Variants in TFAP2E observed in about 807,000 individuals in gnomAD.
TFAP2E encodes the protein transcription factor AP-2-epsilon.
A neutral mutation model predicts 37.9 loss-of-function variants in TFAP2E; 30 were observed. That is an observed-to-expected ratio of 0.79 (90% CI 0.59 to 1.07). The LOEUF is 1.07. TFAP2E is among the 50% of genes least tolerant of loss of function. TFAP2E has a pLI of 0.00. For synonymous variants in TFAP2E, 318 were observed against 295.8 expected (o/e 1.08, Z -0.77); for missense variants, 567 against 637.9 (o/e 0.89, Z 1.20).
At chr1:35,582,480 A>AT (rs1292278988) in intron 3 of TFAP2E, among the ~76,000 whole-genome samples, 375 of 126,048 alleles carry the variant, frequency 3.0e-3, no homozygotes, top group African/African-American at 5.9e-3. Context: ...TAAAATTTTA[A>AT]TTTTTTTTTT....
At position 35,594,820 on chromosome 1, in the gene TFAP2E, A is replaced by G; in HGVS notation, c.*144A>G. 1 of 1,314,930 alleles carries G rather than the reference A, an allele frequency of 7.6e-7. No homozygotes were observed. Among genetic ancestry groups the G allele is most frequent in the East Asian group, 2.5e-5 (1 of 40,334 alleles). The allele number at this position is 1,314,930 out of a possible 1,614,324, so 81.5% of individuals were successfully genotyped here. On this transcript the variant is annotated 3_prime_UTR_variant, in exon 7 of 7. Coordinates refer to ENST00000373235, the MANE Select transcript of TFAP2E (RefSeq NM_178548.4). The stretch of plus-strand genomic sequence containing the variant: ...TCATCCAGAGATCCCAGAGTTGGGG[A>G]TCTGGCTTGGAGTAAGGGAGGGTGG...
intron 4 of TFAP2E, among the ~76,000 whole-genome samples, chr1:35,589,326 C>G (rs2148552896): frequency 6.6e-6 from 1 of 151,496 alleles, no homozygotes; most frequent in South Asian, 2.1e-4. Context: ...TAGGGGTTAT[C>G]TCCTTACTCC....
intron 3 of TFAP2E, among the ~76,000 whole-genome samples, chr1:35,584,185 T>C (rs1649422348): frequency 6.6e-6 from 1 of 152,220 alleles, no homozygotes; most frequent in African/African-American, 2.4e-5. Context: ...CACTGCAGCC[T>C]CAAACTGGGC....
Position 35,574,991 on chromosome 1 carries a change from A to G in TFAP2E, c.553A>G (p.Ile185Val), listed in dbSNP as rs1649128791. 2 of 1,613,918 alleles carry G rather than the reference A, an allele frequency of 1.2e-6. No homozygotes were observed. The highest frequency in any genetic ancestry group is 1.7e-6 in the Non-Finnish European group (2 of 1,179,990). Residue 185 changes from isoleucine to valine, a missense_variant, in exon 3 of 7, where the codon ATC becomes GTC. Ile to Val is a conservative substitution (Grantham distance 29). Around this residue, in one of 3 missense-constraint regions of TFAP2E, gnomAD observed 312 missense variants for 317.4 expected, o/e 0.98. Transcript: ENST00000373235. ...AATGAGCCTCCTAGACCAGTCCGTG[A>G]TCAAGAAAGGTAAGGAATGGTCTGT... ...PGMSLLDQSV[I>V]KKVPIPSKAS...
At chr1:35,582,640 T>C (rs556721117) in intron 3 of TFAP2E, among the ~76,000 whole-genome samples, 50 of 146,470 alleles carry the variant, frequency 3.4e-4, no homozygotes, top group African/African-American at 1.0e-3. Context: ...ACTGCTCTCT[T>C]TTTTTTTTTT....
At position 35,584,252 on chromosome 1, in the gene TFAP2E, C is replaced by G. The variant is rs111539463; in HGVS notation, c.563-4078C>G. On this transcript the variant is annotated intron_variant, in intron 3 of 6. Coordinates refer to ENST00000373235, the MANE Select transcript of TFAP2E (RefSeq NM_178548.4). ...AGCTGGGACTATGGGCACATGCCAC[C>G]ATGCCTGGCTAACTTAAAAAAATTT... is the stretch of plus-strand genomic sequence containing the variant. Among the ~76,000 whole-genome samples, 141 of 152,312 alleles carry G rather than the reference C, an allele frequency of 9.3e-4. 1 individual carries two copies. The highest frequency in any genetic ancestry group is 3.2e-3 in the African/African-American group (133 of 41,568).
In TFAP2E at chr1:35,574,379, G is replaced by A; in HGVS notation, c.480G>A (p.Leu160=). The A allele has an allele frequency of 6.9e-7, 1 of 1,441,038 alleles. No individual in the cohort carries two copies. The highest frequency in any genetic ancestry group is 3.0e-5 in the Admixed American group (1 of 33,036). The allele number at this position is 1,441,038 out of a possible 1,614,324, so 89.3% of individuals were successfully genotyped here. A position where few individuals can be genotyped will look rare whatever the true frequency, so the allele number is the denominator to read the frequency against. The change falls in exon 2 of 7, where the codon CTG becomes CTA. Residue 160 remains leucine, a synonymous_variant. Coordinates refer to ENST00000373235, the MANE Select transcript of TFAP2E (RefSeq NM_178548.4). ...ACGCACCTCTCGGCCTTCCGGGGCT[G>A]GCGGCGGCCCCCGGTCTGGAGGACC... ...LADAPLGLPG[L]AAAPGLEDLQ...
Position 35,588,911 on chromosome 1 carries a change from C to T in TFAP2E, c.785+359C>T, listed in dbSNP as rs1425382726. 3.9e-5 allele frequency among the ~76,000 whole-genome samples: 6 copies of T among 152,138 alleles called. No homozygotes were observed. Among genetic ancestry groups the T allele is most frequent in the South Asian group, 2.1e-4 (1 of 4,822 alleles). On this transcript the variant is annotated intron_variant, in intron 4 of 6. Coordinates refer to ENST00000373235, the MANE Select transcript of TFAP2E (RefSeq NM_178548.4). This position sits in a 1 kb window ranked among gnomAD's most constrained non-coding sequence, Gnocchi z 5.1. ...CCCAGGACCCGAGGCCCATTCTGCG[C>T]GGCAGCATAGGCCCTGTGTGTTTTG... is the stretch of plus-strand genomic sequence containing the variant.
chr1:35,578,454 G>C (rs935192653), intron 3 of TFAP2E, among the ~76,000 whole-genome samples: 4 of 151,614 alleles, frequency 2.6e-5, no homozygotes, highest in Admixed American at 1.3e-4. Flanking sequence ...GTTACAAACC[G>C]TGTGTGGGTT....
At position 35,590,367 on chromosome 1, in the gene TFAP2E, G is replaced by C. The variant is rs375728504; in HGVS notation, c.905-267G>C. Among the ~76,000 whole-genome samples, 1 of 152,004 alleles carries C rather than the reference G, an allele frequency of 6.6e-6. No individual in the cohort carries two copies. The highest frequency in any genetic ancestry group is 2.4e-5 in the African/African-American group (1 of 41,376). On this transcript the variant is annotated intron_variant, in intron 5 of 6. Transcript: ENST00000373235. The surrounding 1 kb of genome is among the most constrained non-coding windows in gnomAD (Gnocchi z 6.2). The stretch of plus-strand genomic sequence containing the variant: ...GTTTGGATGTGGTAAAGGGATGAAG[G>C]GGGTGACAGCCCCCTCCCCTGGAGG...
Position 35,588,790 on chromosome 1 carries a change from A to C in TFAP2E, c.785+238A>C, listed in dbSNP as rs1199077446. 6.6e-6 allele frequency among the ~76,000 whole-genome samples: 1 copy of C among 152,190 alleles called. No homozygotes were observed. On this transcript the variant is annotated intron_variant, in intron 4 of 6. Transcript: ENST00000373235. The surrounding 1 kb of genome is among the most constrained non-coding windows in gnomAD (Gnocchi z 5.1). ...TGGGCAGAGAAAGAAGCCTGGGCAC[A>C]GAGAAGGGATGGAGAACTCATCCAC...
At chr1:35,574,920 C>A in intron 2 of TFAP2E, 29 bp from the exon 3 acceptor site, 1 of 1,613,644 alleles carries the variant, frequency 6.2e-7, no homozygotes, top group Non-Finnish European at 8.5e-7. Context: ...GCTTTATGCG[C>A]CCTCACCGCT....
chr1:35,586,467 A>G (rs1649483758), intron 3 of TFAP2E, among the ~76,000 whole-genome samples: 1 of 152,198 alleles, frequency 6.6e-6, no homozygotes, highest in African/African-American at 2.4e-5. Flanking sequence ...TGATGCATTC[A>G]GATGGAAAGA....
rs139258756 is a variant in TFAP2E, at chr1:35,590,748, G to A, written c.1019G>A (p.Ser340Asn). Reference protein sequence around the residue: ...RQHADPGELHSRKSMLLAAKQ... With the variant: ...RQHADPGELHNRKSMLLAAKQ... ...CACGCTGACCCGGGGGAGCTGCACA[G>A]CCGCAAGAGCATGCTGCTGGCTGCC... Residue 340 changes from serine (S) to asparagine (N), a missense_variant, in exon 6 of 7, where the codon AGC becomes AAC. This residue lies in a region of TFAP2E where 252 missense variants were observed against 302.6 expected (regional missense o/e 0.83). Transcript: ENST00000373235. This position sits in a 1 kb window ranked among gnomAD's most constrained non-coding sequence, Gnocchi z 6.2. 1,034 of 1,490,536 alleles carry A rather than the reference G, an allele frequency of 6.9e-4. 4 individuals are homozygous for A. In the African/African-American group the frequency reaches 0.013, roughly 19 times the overall value. The allele number at this position is 1,490,536 out of a possible 1,614,324, so 92.3% of individuals were successfully genotyped here.
intron 3 of TFAP2E, among the ~76,000 whole-genome samples, chr1:35,582,963 C>T (rs937560288): frequency 4.0e-5 from 6 of 151,574 alleles, no homozygotes; most frequent in African/African-American, 1.5e-4. Flanking sequence ...AGTGCAGTGG[C>T]GCTATCTCAG....
chr1:35,586,139 T>C (rs760906512), intron 3 of TFAP2E, among the ~76,000 whole-genome samples: 11 of 152,114 alleles, frequency 7.2e-5, no homozygotes, highest in African/African-American at 9.7e-5. Flanking sequence ...TAGAGCCTAA[T>C]GGACAAATGG....
At chr1:35,584,538 TTTTTTGTTTTTG>T (rs376929918) in intron 3 of TFAP2E, among the ~76,000 whole-genome samples, 1 of 151,842 alleles carries the variant, frequency 6.6e-6, no homozygotes, top group Non-Finnish European at 1.5e-5. Flanking sequence ...AATTTATCAA[TTTTTTGTTTTTG>T]TTTTTGTTTT....
chr1:35,587,473 A>T (rs1477620519), intron 3 of TFAP2E, among the ~76,000 whole-genome samples: 2 of 151,790 alleles, frequency 1.3e-5, no homozygotes, highest in Non-Finnish European at 2.9e-5. Context: ...CCCCATCTCT[A>T]CTAAAAATAT....
rs371539699 is a variant in TFAP2E, at chr1:35,575,562, C to T, written c.562+562C>T. On this transcript the variant is annotated intron_variant, in intron 3 of 6. Transcript: ENST00000373235. ...GTGCACCTGAGTCAGGGCCCACCTG[C>T]TCCTGGGTGTCTGTGTCCATGTGAG... is the stretch of plus-strand genomic sequence containing the variant. Among the ~76,000 whole-genome samples, 4 of 152,160 alleles carry T rather than the reference C, an allele frequency of 2.6e-5. No homozygotes were observed. The East Asian group carries it at 5.8e-4, about 22-fold the overall frequency.
Sources: allele counts gnomAD v4.1 joint callset (sites outside exome capture counted in the v4.1 genomes callset), GRCh38; gene constraint gnomAD v4.1.1; regional missense constraint gnomAD v4.1.1; non-coding constraint Gnocchi (gnomAD v3.1); transcripts MANE v1.5; gene names NCBI Gene and HGNC (gene_info 2026-07-23, HGNC 2026-07-21).